MARCHF5: variants seen among roughly 807,000 people sequenced by gnomAD.
MARCHF5 encodes the protein membrane associated ring-CH-type finger 5.
In MARCHF5, 5 loss-of-function variants were observed where a neutral mutation model predicts 36.5. The observed-to-expected ratio is 0.14, with a 90% confidence interval of 0.07 to 0.29. The LOEUF is 0.29. Ranked by LOEUF, MARCHF5 falls within the 10% of genes least tolerant of loss-of-function variation. The pLI is 1.00. For missense variants in MARCHF5, 179 were observed against 336.3 expected (o/e 0.53, Z 3.66); for synonymous variants, 103 against 109.9 (o/e 0.94, Z 0.39).
chr10:92,341,632 T>C (rs528589520), intron 3 of MARCHF5, among the ~76,000 whole-genome samples: 1 of 152,272 alleles, frequency 6.6e-6, no homozygotes, highest in East Asian at 1.9e-4. Context: ...TGTTCTTTTC[T>C]CAAATCCAGT....
In MARCHF5 at chr10:92,351,554, C is replaced by T. The variant is rs1453377277; in HGVS notation, c.*347C>T. On this transcript the variant is annotated 3_prime_UTR_variant, in exon 6 of 6. Coordinates refer to ENST00000358935, the MANE Select transcript of MARCHF5 (RefSeq NM_017824.5). ...CACATGCTGTTTTATTCAAATGCCT[C>T]TTTTGTACATGTTCATGTTTAGTGT... is the stretch of plus-strand genomic sequence containing the variant. The T allele has an allele frequency of 6.2e-6, 1 of 162,504 alleles. No individual in the cohort carries two copies. Among genetic ancestry groups the T allele is most frequent in the Non-Finnish European group, 1.3e-5 (1 of 75,160 alleles). 10.1% of individuals were successfully genotyped at this position (162,504 alleles called of 1,614,324 possible).
chr10:92,315,444 G>C (rs1843198850), intron 2 of MARCHF5, among the ~76,000 whole-genome samples: 1 of 152,190 alleles, frequency 6.6e-6, no homozygotes, highest in Non-Finnish European at 1.5e-5. Context: ...AAGTACCTTT[G>C]ACTATTATTT....
chr10:92,330,717 G>T lies in MARCHF5; in HGVS notation c.239-9956G>T, dbSNP rs181694913. On this transcript the variant is annotated intron_variant, in intron 2 of 5. Transcript: ENST00000358935. Reference sequence around the variant, plus strand: ...TAGTTTAGAACTGGAAGAAATAATAGCTGACACAAGATCGTTACTACGTAA... The same window carrying T: ...TAGTTTAGAACTGGAAGAAATAATATCTGACACAAGATCGTTACTACGTAA... Among the ~76,000 whole-genome samples the T allele has an allele frequency of 5.1e-3, 780 of 152,292 alleles. 9 individuals carry two copies. Among genetic ancestry groups the T allele is most frequent in the Middle Eastern group, 0.02 (6 of 294 alleles).
At chr10:92,330,588 T>A (rs1446119600) in intron 2 of MARCHF5, among the ~76,000 whole-genome samples, 1 of 152,182 alleles carries the variant, frequency 6.6e-6, no homozygotes, top group Non-Finnish European at 1.5e-5. Context: ...ATTCCAGAGC[T>A]ATATACCACA....
At chr10:92,313,394 GGAGATC>G (rs1490120778) in intron 2 of MARCHF5, among the ~76,000 whole-genome samples, 1 of 151,308 alleles carries the variant, frequency 6.6e-6, no homozygotes, top group Non-Finnish European at 1.5e-5. Context: ...CACGAGGTCA[GGAGATC>G]GAGACCATCC....
At chr10:92,312,509 C>G (rs1335542943) in intron 2 of MARCHF5, among the ~76,000 whole-genome samples, 1 of 152,142 alleles carries the variant, frequency 6.6e-6, no homozygotes, top group Non-Finnish European at 1.5e-5. Flanking sequence ...ATTGTAAGAT[C>G]AAAGAAGTAT....
chr10:92,295,491 TG>T (rs1448774379), intron 1 of MARCHF5, among the ~76,000 whole-genome samples: 1 of 150,138 alleles, frequency 6.7e-6, no homozygotes, highest in African/African-American at 2.4e-5. Context: ...CGCTGCAAAC[TG>T]TGCCTCTTGG....
chr10:92,326,136 T>C (rs981571331), intron 2 of MARCHF5, among the ~76,000 whole-genome samples: 15 of 152,128 alleles, frequency 9.9e-5, no homozygotes, highest in East Asian at 5.8e-4. Flanking sequence ...TAGGACCAAT[T>C]CCTGGGAGAA....
At chr10:92,294,915 T>C (rs1034670216) in intron 1 of MARCHF5, among the ~76,000 whole-genome samples, 1 of 152,140 alleles carries the variant, frequency 6.6e-6, no homozygotes, top group Non-Finnish European at 1.5e-5. Flanking sequence ...GGCACATGCC[T>C]GTGGTCCCAA....
chr10:92,320,291 C>T (rs1843275433), intron 2 of MARCHF5, among the ~76,000 whole-genome samples: 1 of 151,786 alleles, frequency 6.6e-6, no homozygotes, highest in Non-Finnish European at 1.5e-5. Flanking sequence ...TTCTGACTTA[C>T]AGGGGCCTTC....
intron 2 of MARCHF5, among the ~76,000 whole-genome samples, chr10:92,329,967 C>T (rs960796418): frequency 6.6e-6 from 1 of 152,160 alleles, no homozygotes; most frequent in Admixed American, 6.5e-5. Context: ...CTCAGCCTCC[C>T]GAGTAGCTGG....
chr10:92,291,543 TG>T lies in MARCHF5; in HGVS notation c.35+21del. ...GATGCTGGACAGGTACGGGCAGCTG[TG>T]GGGGGGACCGGGAGCCGCCGACCCT... On this transcript the variant is annotated intron_variant, in intron 1 of 5. Transcript: ENST00000358935. The T allele has an allele frequency of 1.2e-5, 19 of 1,534,962 alleles. No homozygotes were observed. The highest frequency in any genetic ancestry group is 8.1e-5 in the Admixed American group (4 of 49,684).
At chr10:92,332,649 T>C (rs1216680604) in intron 2 of MARCHF5, among the ~76,000 whole-genome samples, 1 of 150,876 alleles carries the variant, frequency 6.6e-6, no homozygotes, top group African/African-American at 2.4e-5. Flanking sequence ...GCCTCCCAAG[T>C]AGCTGGGATT....
rs751260959 is a variant in MARCHF5 at position 92,349,510 on chromosome 10, A to C, written c.531A>C (p.Gln177His). The change falls in exon 4 of 6, where the codon CAA (glutamine) becomes CAC (histidine). Residue 177 changes from glutamine to histidine, a missense_variant. Around this residue, in one of 3 missense-constraint regions of MARCHF5, gnomAD observed 95 missense variants for 139.5 expected, o/e 0.68. Transcript: ENST00000358935. Reference sequence around the variant, plus strand: ...GGCGCAAATACTCGAATAAACTACAAATTTTAAATAGTATATTTCCAGGTA... The same window carrying C: ...GGCGCAAATACTCGAATAAACTACACATTTTAAATAGTATATTTCCAGGTA... ...RLWRKYSNKLQILNSIFPGIG... is the reference protein window; with the variant it reads ...RLWRKYSNKLHILNSIFPGIG... The C allele has an allele frequency of 2.4e-5, 38 of 1,613,510 alleles. No homozygotes were observed. The African/African-American group carries it at 5.1e-4, about 22-fold the overall frequency.
chr10:92,325,075 A>G (rs1388459845), intron 2 of MARCHF5, among the ~76,000 whole-genome samples: 2 of 152,098 alleles, frequency 1.3e-5, no homozygotes, highest in Admixed American at 6.5e-5. Context: ...GCTTGTGCCT[A>G]TAATCCCAGC....
At chr10:92,296,588 A>G (rs1473356097) in intron 1 of MARCHF5, among the ~76,000 whole-genome samples, 1 of 152,188 alleles carries the variant, frequency 6.6e-6, no homozygotes, top group Non-Finnish European at 1.5e-5. Context: ...GCCTGGACCT[A>G]CTGAGAAATG....
intron 2 of MARCHF5, among the ~76,000 whole-genome samples, chr10:92,312,875 A>G (rs1843161838): frequency 6.6e-6 from 1 of 151,974 alleles, no homozygotes; most frequent in African/African-American, 2.4e-5. Flanking sequence ...ATTCAGTTCT[A>G]GGAAATATGT....
intron 2 of MARCHF5, among the ~76,000 whole-genome samples, chr10:92,330,363 A>T (rs1047051643): frequency 3.3e-5 from 5 of 152,180 alleles, no homozygotes; most frequent in African/African-American, 1.2e-4. Flanking sequence ...ACAGGTCCAA[A>T]ACATAACTAT....
intron 2 of MARCHF5, among the ~76,000 whole-genome samples, chr10:92,321,509 T>G (rs1286028113): frequency 6.6e-6 from 1 of 152,100 alleles, no homozygotes; most frequent in Non-Finnish European, 1.5e-5. Context: ...GTACTCATAA[T>G]GGGTATTGGT....
Sources: gnomAD v4.1 joint callset for allele counts (sites outside exome capture counted in the v4.1 genomes callset) on GRCh38, gnomAD v4.1.1 for gene constraint, gnomAD v4.1.1 regional missense constraint, MANE v1.5 for transcripts, NCBI Gene and HGNC (gene_info 2026-07-23, HGNC 2026-07-21) for gene names.